Variants in LMO7 observed in about 807,000 individuals in gnomAD.
LMO7 encodes LIM domain only protein 7.
A neutral mutation model predicts 206.5 loss-of-function variants in LMO7; 120 were observed. The observed-to-expected ratio is 0.58, with a 90% CI of 0.50 to 0.68. The LOEUF is 0.68. Ranked by LOEUF, LMO7 falls within the 30% of genes least tolerant of loss-of-function variation. LMO7 has a pLI of 0.00. For missense variants in LMO7, 1,959 were observed against 1,957.9 expected (o/e 1.00, Z -0.01); for synonymous variants, 706 against 681.5 (o/e 1.04, Z -0.56).
At chr13:75,683,728 T>C (rs1246888986) in intron 1 of LMO7, among the ~76,000 whole-genome samples, 1 of 152,196 alleles carries the variant, frequency 6.6e-6, no homozygotes, top group Non-Finnish European at 1.5e-5. Context: ...TGCTTTTATA[T>C]GTTTTAGGGA....
At chr13:75,789,857 C>G (rs1384664770) in intron 4 of LMO7, among the ~76,000 whole-genome samples, 1 of 152,118 alleles carries the variant, frequency 6.6e-6, no homozygotes, top group African/African-American at 2.4e-5. Flanking sequence ...TCCATTAGCA[C>G]CTTATTCCAA....
chr13:75,836,922 G>A (rs1216015415), intron 19 of LMO7, among the ~76,000 whole-genome samples: 2 of 152,174 alleles, frequency 1.3e-5, no homozygotes, highest in Admixed American at 1.3e-4. Context: ...GACAAAGAAG[G>A]CAAAATATCT....
At chr13:75,686,218 A>C (rs1236606875) in intron 1 of LMO7, among the ~76,000 whole-genome samples, 1 of 152,120 alleles carries the variant, frequency 6.6e-6, no homozygotes, top group Non-Finnish European at 1.5e-5. Flanking sequence ...GCAATTTCCA[A>C]AAGAAGATTA....
At chr13:75,668,240 G>C (rs1426618532) in intron 1 of LMO7, among the ~76,000 whole-genome samples, 1 of 152,018 alleles carries the variant, frequency 6.6e-6, no homozygotes, top group Admixed American at 6.6e-5. Flanking sequence ...AACAAAACCA[G>C]GCAGTTAATT....
chr13:75,623,314 C>T (rs2033572105), exon 2 of LMO7: 2 of 1,416,518 alleles, frequency 1.4e-6, no homozygotes, highest in Non-Finnish European at 2.0e-6. Context: ...GGACTATTCT[C>T]ATTAAGGTAA....
At chr13:75,838,431 TAC>T (rs2059317453) in intron 20 of LMO7, 3 of 835,514 alleles carry the variant, frequency 3.6e-6, no homozygotes, top group Non-Finnish European at 5.0e-6. Flanking sequence ...CTAAACATTT[TAC>T]TTTTTTTTTT....
intron 1 of LMO7, among the ~76,000 whole-genome samples, chr13:75,710,441 T>C (rs893699683): frequency 1.3e-5 from 2 of 152,192 alleles, no homozygotes; most frequent in Non-Finnish European, 2.9e-5. Context: ...CATGGAATGT[T>C]CTTCCATTTG....
At chr13:75,793,501 C>T (rs937939253) in intron 4 of LMO7, among the ~76,000 whole-genome samples, 1 of 152,106 alleles carries the variant, frequency 6.6e-6, no homozygotes, top group Non-Finnish European at 1.5e-5. Context: ...GTCTTGAACT[C>T]CTGACCTTAG....
At chr13:75,813,807 G>T (rs553181128) in intron 11 of LMO7, among the ~76,000 whole-genome samples, 1 of 152,356 alleles carries the variant, frequency 6.6e-6, no homozygotes, top group African/African-American at 2.4e-5. Context: ...ACCCCTGGGA[G>T]ATGCTGGGCT....
At chr13:75,846,380 C>T (rs1441310478) in intron 26 of LMO7, among the ~76,000 whole-genome samples, 2 of 152,096 alleles carry the variant, frequency 1.3e-5, no homozygotes, top group South Asian at 2.1e-4. Flanking sequence ...TTAATGGGTC[C>T]GTAACTATAA....
chr13:75,772,977 G>T (rs1202982937), intron 4 of LMO7, among the ~76,000 whole-genome samples: 1 of 152,004 alleles, frequency 6.6e-6, no homozygotes, highest in Non-Finnish European at 1.5e-5. Flanking sequence ...GAGTAACAAG[G>T]GTTTAGATAA....
At chr13:75,691,006 A>G (rs1245179884) in intron 1 of LMO7, among the ~76,000 whole-genome samples, 1 of 152,138 alleles carries the variant, frequency 6.6e-6, no homozygotes, top group Non-Finnish European at 1.5e-5. Flanking sequence ...TTTATAATAT[A>G]TATGTAGATA....
At chr13:75,719,125 A>G (rs1440873741) in intron 2 of LMO7, among the ~76,000 whole-genome samples, 4 of 151,832 alleles carry the variant, frequency 2.6e-5, no homozygotes, top group Non-Finnish European at 5.9e-5. Flanking sequence ...GACTACAGGC[A>G]CGCACCACCA....
Position 75,823,621 on chromosome 13 carries a change from C to G in LMO7, c.2697C>G (p.Asn899Lys). The change falls in exon 15 of 31, where the codon AAC (asparagine) becomes AAG (lysine). Residue 899 changes from asparagine to lysine, a missense_variant. Transcript: ENST00000377534. Reference protein sequence around the residue: ...GDVEDIKRTPNNVVSTPAPSP... With the variant: ...GDVEDIKRTPKNVVSTPAPSP... ...TTGAAGACATTAAGAGAACTCCAAA[C>G]AATGTGGTCAGCACCCCTGCACCAA... 6.2e-7 allele frequency: 1 copy of G among 1,614,102 alleles called. No individual in the cohort carries two copies.
intron 11 of LMO7, among the ~76,000 whole-genome samples, chr13:75,812,381 A>G (rs567392098): frequency 1.3e-5 from 2 of 152,224 alleles, no homozygotes; most frequent in African/African-American, 2.4e-5. Flanking sequence ...CCTGATGGAA[A>G]TATACTTAGA....
chr13:75,807,420 A>T, intron 9 of LMO7, 60 bp from the exon 10 acceptor site: 1 of 1,560,698 alleles, frequency 6.4e-7, no homozygotes, highest in Non-Finnish European at 8.7e-7. Context: ...CGATCTGCTA[A>T]TTACCTTTTC....
chr13:75,743,426 A>G (rs1034106849), intron 3 of LMO7, among the ~76,000 whole-genome samples: 5 of 152,218 alleles, frequency 3.3e-5, no homozygotes, highest in Admixed American at 2.0e-4. Flanking sequence ...ACAATTCACA[A>G]TAGCAAAGAC....
intron 4 of LMO7, among the ~76,000 whole-genome samples, chr13:75,777,540 A>C (rs2050673470): frequency 6.6e-6 from 1 of 152,162 alleles, no homozygotes; most frequent in African/African-American, 2.4e-5. Flanking sequence ...TTGGTATTAT[A>C]ATTCTCTGTA....
intron 1 of LMO7, among the ~76,000 whole-genome samples, chr13:75,637,159 C>T (rs896657267): frequency 1.1e-4 from 12 of 111,858 alleles, no homozygotes; most frequent in African/African-American, 4.2e-4. Flanking sequence ...CCTGAGAAGC[C>T]AGTGTATTCA....
Sources: allele counts gnomAD v4.1 joint callset (sites outside exome capture counted in the v4.1 genomes callset), GRCh38; gene constraint gnomAD v4.1.1; transcripts MANE v1.5; gene names NCBI Gene and HGNC (gene_info 2026-07-23, HGNC 2026-07-21).